Variants in LTBP2 observed in about 807,000 individuals in gnomAD.
The protein encoded by LTBP2 is latent-transforming growth factor beta-binding protein 2.
LTBP2 carries 103 observed loss-of-function variants against 210.6 expected under a neutral mutation model. That is an observed-to-expected ratio of 0.49 (90% CI 0.42 to 0.58). The LOEUF (loss-of-function observed/expected upper bound fraction) is 0.58. Ranked by LOEUF, LTBP2 falls within the 20% of genes least tolerant of loss-of-function variation. The pLI is 0.00. For missense variants in LTBP2, 2,313 were observed against 2,494.5 expected (o/e 0.93, Z 1.55); for synonymous variants, 1,007 against 1,015.0 (o/e 0.99, Z 0.15).
rs10141546 is a variant in LTBP2 at position 74,498,421 on chromosome 14, C to A, written c.*2463G>T. On this transcript the variant is annotated 3_prime_UTR_variant, in exon 36 of 36. Transcript: ENST00000261978. ...ATTATTTATAGCAAAAGACAGGAAA[C>A]AATGGAAACGTCTGTCAGTGAGGGA... The A allele has an allele frequency of 0.012, 2,394 of 203,840 alleles. 67 individuals are homozygous for A. The highest frequency in any genetic ancestry group is 0.052 in the African/African-American group (2,279 of 43,752). The allele number at this position is 203,840 out of a possible 1,614,324, so 12.6% of individuals were successfully genotyped here. A position where few individuals can be genotyped will look rare whatever the true frequency, so the allele number is the denominator to read the frequency against.
chr14:74,601,621 A>G (rs900622264), intron 2 of LTBP2, among the ~76,000 whole-genome samples: 5 of 152,172 alleles, frequency 3.3e-5, no homozygotes, highest in African/African-American at 1.2e-4. Flanking sequence ...CTGCATCTTC[A>G]AACAGGCAGA....
intron 2 of LTBP2, among the ~76,000 whole-genome samples, chr14:74,603,219 C>A (rs2088473282): frequency 6.6e-6 from 1 of 152,108 alleles, no homozygotes; most frequent in African/African-American, 2.4e-5. Context: ...ACTCTGCCTC[C>A]CAGGTTCAAG....
chr14:74,520,642 A>G (rs987496626), intron 17 of LTBP2, among the ~76,000 whole-genome samples: 13 of 152,156 alleles, frequency 8.5e-5, no homozygotes, highest in African/African-American at 3.1e-4. Flanking sequence ...CTCTACTAAA[A>G]ATACAAAAAT....
Position 74,509,027 on chromosome 14 carries a change from C to T in LTBP2, c.3404-75G>A. 3.1e-6 allele frequency: 5 copies of T among 1,600,500 alleles called. No individual in the cohort carries two copies. In the South Asian group the frequency reaches 4.4e-5, roughly 14 times the overall value. ...GGACAGGAGTCAAGGGGGAAGTCTC[C>T]AGAGGACCTGTCACCTGCCTGCAGA... On this transcript the variant is annotated intron_variant, in intron 22 of 35. Transcript: ENST00000261978.
At chr14:74,548,399 A>G (rs1224942983) in intron 8 of LTBP2, among the ~76,000 whole-genome samples, 2 of 151,972 alleles carry the variant, frequency 1.3e-5, no homozygotes, top group African/African-American at 4.8e-5. Flanking sequence ...ACTAAATTGT[A>G]AGCTTGGAGA....
Position 74,498,523 on chromosome 14 carries a change from G to T in LTBP2, c.*2361C>A. On this transcript the variant is annotated 3_prime_UTR_variant, in exon 36 of 36. Transcript: ENST00000261978. ...AAAATGAAATGAGGCAGCTCTAATT[G>T]CAAGTATAAAAAAAAAGCAAAGTGC... 4.5e-6 allele frequency: 1 copy of T among 223,432 alleles called. No homozygotes were observed. The highest frequency in any genetic ancestry group is 8.9e-6 in the Non-Finnish European group (1 of 111,984). 13.8% of individuals were successfully genotyped at this position (223,432 alleles called of 1,614,324 possible).
chr14:74,508,519 A>T (rs1320205027), intron 24 of LTBP2, 85 bp downstream of exon 24: 12 of 1,545,364 alleles, frequency 7.8e-6, no homozygotes. Context: ...CTTAGCCTGT[A>T]GCGCCCATGC....
intron 3 of LTBP2, among the ~76,000 whole-genome samples, chr14:74,576,640 T>G (rs1294611587): frequency 6.6e-6 from 1 of 151,594 alleles, no homozygotes; most frequent in African/African-American, 2.4e-5. Flanking sequence ...ACTGTACAAC[T>G]CTTGGGGTAC....
chr14:74,592,041 A>ACCTTC (rs2088290288), intron 2 of LTBP2, among the ~76,000 whole-genome samples: 5 of 152,192 alleles, frequency 3.3e-5, no homozygotes, highest in Non-Finnish European at 7.3e-5. Context: ...TATTTTTGGA[A>ACCTTC]ACATTACTGA....
At chr14:74,507,363 G>C in intron 25 of LTBP2, 53 bp from the exon 26 acceptor site, 2 of 1,612,248 alleles carry the variant, frequency 1.2e-6, no homozygotes, top group Non-Finnish European at 1.7e-6. Context: ...GGTCACTGCT[G>C]TGGTCCCACA....
At chr14:74,605,204 T>C (rs1388419273) in intron 1 of LTBP2, among the ~76,000 whole-genome samples, 2 of 152,248 alleles carry the variant, frequency 1.3e-5, no homozygotes, top group African/African-American at 2.4e-5. Context: ...AGGAGTTTGT[T>C]TGACATTTGA....
intron 3 of LTBP2, among the ~76,000 whole-genome samples, chr14:74,580,624 A>G (rs1395924653): frequency 6.6e-6 from 1 of 152,168 alleles, no homozygotes; most frequent in Non-Finnish European, 1.5e-5. Flanking sequence ...AAGAGCATAA[A>G]TTTCTGCTAT....
chr14:74,507,156 C>G, intron 26 of LTBP2, 23 bp downstream of exon 26: 1 of 1,614,154 alleles, frequency 6.2e-7, no homozygotes, highest in Non-Finnish European at 8.5e-7. Context: ...CCTCTCTCCT[C>G]TCTCTCCTCC....
intron 35 of LTBP2, 30 bp from the exon 36 acceptor site, chr14:74,501,059 G>A (rs1214409875): frequency 1.0e-5 from 16 of 1,604,684 alleles, no homozygotes; most frequent in Non-Finnish European, 1.3e-5. Flanking sequence ...AGTGCTGTAG[G>A]GAGCCCAGGT....
chr14:74,589,910 G>T (rs188445119), intron 2 of LTBP2, among the ~76,000 whole-genome samples: 1 of 152,154 alleles, frequency 6.6e-6, no homozygotes, highest in African/African-American at 2.4e-5. Context: ...TTCCACCTCT[G>T]AGTGTGTGGT....
chr14:74,573,699 A>C (rs1318708403), intron 3 of LTBP2, among the ~76,000 whole-genome samples: 1 of 152,226 alleles, frequency 6.6e-6, no homozygotes. Flanking sequence ...TGACTCTGCC[A>C]GTGCTTTTGT....
At chr14:74,520,187 G>T (rs958563519) in intron 17 of LTBP2, among the ~76,000 whole-genome samples, 1 of 152,254 alleles carries the variant, frequency 6.6e-6, no homozygotes, top group Non-Finnish European at 1.5e-5. Flanking sequence ...TCTCTGCAAA[G>T]ATGCTTCTCT....
rs751379674 is a variant in LTBP2 at position 74,522,758 on chromosome 14, G to GC, written c.2659+31dup. The GC allele has an allele frequency of 1.9e-6, 3 of 1,598,446 alleles. No individual in the cohort carries two copies. In the South Asian group the frequency reaches 3.4e-5, roughly 18 times the overall value. ...GCCCCTGCTCCCATCTACCCCAGCC[G>GC]CCAAGTAAGCCCAGGGCACCCAAGT... On this transcript the variant is annotated intron_variant, in intron 16 of 35. Coordinates refer to ENST00000261978, the MANE Select transcript of LTBP2 (RefSeq NM_000428.3).
chr14:74,505,262 T>C (rs1044422231), intron 28 of LTBP2, 88 bp from the exon 29 acceptor site: 1 of 1,442,186 alleles, frequency 6.9e-7, no homozygotes, highest in Non-Finnish European at 9.5e-7. Flanking sequence ...AATTTAACAT[T>C]TGTGTAGCAC....
Sources: allele counts gnomAD v4.1 joint callset (sites outside exome capture counted in the v4.1 genomes callset), GRCh38; gene constraint gnomAD v4.1.1; transcripts MANE v1.5; gene names NCBI Gene and HGNC (gene_info 2026-07-23, HGNC 2026-07-21).